The following EDA variants were observed in gnomAD, a reference collection of about 807,000 sequenced individuals.
EDA encodes the protein ectodysplasin A, also known as ectodysplasin-A.
Under a neutral mutation model 23.6 loss-of-function variants are expected in EDA, and 2 were observed. The ratio of observed to expected loss-of-function variants is 0.08; its 90% CI spans 0.03 to 0.27. The LOEUF (loss-of-function observed/expected upper bound fraction) is 0.27. Ranked by LOEUF, EDA falls within the 10% of genes least tolerant of loss-of-function variation. The pLI, the probability that EDA is intolerant of heterozygous loss-of-function variation, is 1.00. For synonymous variants in EDA, 131 were observed against 132.0 expected (o/e 0.99, Z 0.05); for missense variants, 229 against 324.2 (o/e 0.71, Z 2.26).
At chrX:69,825,665 A>AT (rs1326554910) in intron 1 of EDA, among the ~76,000 whole-genome samples, 4 of 113,028 alleles carry the variant, frequency 3.5e-5, no homozygotes, top group Non-Finnish European at 7.5e-5. Flanking sequence ...GGATTCATTA[A>AT]TTTTTTGAAG....
intron 2 of EDA, among the ~76,000 whole-genome samples, chrX:69,981,591 A>G (rs1330946919): frequency 1.8e-5 from 2 of 111,700 alleles, no homozygotes; most frequent in Non-Finnish European, 3.8e-5. Context: ...CAACCACTAC[A>G]TGGTCACGTG....
chrX:69,782,421 C>T (rs1434015263), intron 1 of EDA, among the ~76,000 whole-genome samples: 1 of 99,940 alleles, frequency 1.0e-5, no homozygotes, highest in African/African-American at 3.8e-5. Context: ...GAGACTTCTA[C>T]TGAGAGGAGA....
At chrX:69,814,432 T>C (rs1043240940) in intron 1 of EDA, among the ~76,000 whole-genome samples, 33 of 113,109 alleles carry the variant, frequency 2.9e-4, no homozygotes, top group Non-Finnish European at 1.1e-4. Flanking sequence ...CTAATAAGTT[T>C]CCTCTTACTT....
rs762601680 is a variant in EDA, at chrX:69,684,144, G to A, written c.396+67440G>A. Among the ~76,000 whole-genome samples, 6 of 112,019 alleles carry A rather than the reference G, an allele frequency of 5.4e-5. No homozygotes were observed. In the South Asian group the frequency reaches 1.8e-3, roughly 34 times the overall value. ...CATAGTGTAAGATTCTGAGATACTC[G>A]CTTATAATTTATTTACTCATCATTA... is the stretch of plus-strand genomic sequence containing the variant. On this transcript the variant is annotated intron_variant, in intron 1 of 7. Coordinates refer to ENST00000374552, the MANE Select transcript of EDA (RefSeq NM_001399.5).
At chrX:69,618,345 C>T (rs753861553) in intron 1 of EDA, among the ~76,000 whole-genome samples, 113 of 111,990 alleles carry the variant, frequency 1.0e-3, no homozygotes, top group African/African-American at 3.6e-3. Flanking sequence ...AGTTACCTAC[C>T]CTTTGTGTGG....
chrX:69,888,078 T>C (rs1333242450), intron 1 of EDA, among the ~76,000 whole-genome samples: 1 of 111,971 alleles, frequency 8.9e-6, no homozygotes, highest in Non-Finnish European at 1.9e-5. Flanking sequence ...GTATAAAAGT[T>C]ATCTCTAGTA....
chrX:69,710,821 G>A (rs1411984982), intron 1 of EDA, among the ~76,000 whole-genome samples: 4 of 108,489 alleles, frequency 3.7e-5, no homozygotes, highest in Non-Finnish European at 7.5e-5. Context: ...AAGAATGCTT[G>A]TGATTTTTGC....
chrX:69,816,057 C>T (rs1478095603), intron 1 of EDA, among the ~76,000 whole-genome samples: 2 of 111,169 alleles, frequency 1.8e-5, no homozygotes, highest in African/African-American at 6.5e-5. Flanking sequence ...TGGGACAAAC[C>T]AAGGCAACTG....
chrX:69,753,236 A>T (rs1441809344), intron 1 of EDA, among the ~76,000 whole-genome samples: 63 of 111,413 alleles, frequency 5.7e-4, no homozygotes, highest in Non-Finnish European at 9.2e-4. Flanking sequence ...TTCCCTCTAC[A>T]CACTGCTTTA....
At chrX:69,843,570 G>GTT (rs10669639) in intron 1 of EDA, among the ~76,000 whole-genome samples, 281 of 105,612 alleles carry the variant, frequency 2.7e-3, no homozygotes, top group Non-Finnish European at 4.6e-3. Flanking sequence ...TAAGAGATCA[G>GTT]TTTTTTTTTT....
At chrX:69,862,226 G>A (rs1282302873) in intron 1 of EDA, among the ~76,000 whole-genome samples, 2 of 111,130 alleles carry the variant, frequency 1.8e-5, no homozygotes, top group African/African-American at 6.5e-5. Context: ...GGTTGCTTGA[G>A]TACCATTATG....
At chrX:69,909,157 A>G (rs1168724325) in intron 1 of EDA, among the ~76,000 whole-genome samples, 1 of 111,023 alleles carries the variant, frequency 9.0e-6, no homozygotes, top group African/African-American at 3.3e-5. Context: ...CCATCTTCTC[A>G]TATCTTCCTT....
chrX:69,851,480 G>A (rs371681885), intron 1 of EDA, among the ~76,000 whole-genome samples: 1 of 112,401 alleles, frequency 8.9e-6, no homozygotes, highest in Non-Finnish European at 1.9e-5. Context: ...TGCTTTGGAT[G>A]TATTCACCTA....
Position 69,888,977 on chromosome X carries a change from GTTATATAT to G in EDA, c.397-68049_397-68042del, listed in dbSNP as rs1169345493. On this transcript the variant is annotated intron_variant, in intron 1 of 7. Coordinates refer to ENST00000374552, the MANE Select transcript of EDA (RefSeq NM_001399.5). ...AGTGGAATTGTTGTATTGTGGGGTAGTTATATATATATATATATATATATATATATATA... is the reference window on the plus strand; with the variant it reads ...AGTGGAATTGTTGTATTGTGGGGTAGATATATATATATATATATATATATA... Among the ~76,000 whole-genome samples the G allele has an allele frequency of 0.011, 151 of 13,237 alleles. 11 individuals are homozygous for G. In the South Asian group the frequency reaches 0.26, roughly 23 times the overall value. The allele number at this position is 13,237 out of a possible 115,157, so 11.5% of individuals were successfully genotyped here.
In EDA at chrX:70,016,234, G is replaced by T. The variant is rs777693479; in HGVS notation, c.503-6984G>T. 5.4e-5 allele frequency among the ~76,000 whole-genome samples: 6 copies of T among 110,874 alleles called. No homozygotes were observed. In the South Asian group the frequency reaches 2.3e-3, roughly 42 times the overall value. On this transcript the variant is annotated intron_variant, in intron 2 of 7. Coordinates refer to ENST00000374552, the MANE Select transcript of EDA (RefSeq NM_001399.5). ...AGGAGTACCCACATTTATAAAACAAGCTCTGAGAGACCTACAGAGAGACTT... is the reference window on the plus strand; with the variant it reads ...AGGAGTACCCACATTTATAAAACAATCTCTGAGAGACCTACAGAGAGACTT...
chrX:69,628,782 T>C (rs1162356199), intron 1 of EDA, among the ~76,000 whole-genome samples: 1 of 111,355 alleles, frequency 9.0e-6, no homozygotes, highest in East Asian at 2.8e-4. Flanking sequence ...ACTCCTACTT[T>C]GTGATGTTGA....
At chrX:69,768,397 T>G (rs1304038416) in intron 1 of EDA, among the ~76,000 whole-genome samples, 1 of 111,733 alleles carries the variant, frequency 8.9e-6, no homozygotes, top group Non-Finnish European at 1.9e-5. Flanking sequence ...CAAGGTGTCT[T>G]TATTTATTTT....
chrX:69,742,253 G>A (rs982506566), intron 1 of EDA, among the ~76,000 whole-genome samples: 1 of 111,450 alleles, frequency 9.0e-6, no homozygotes, highest in Non-Finnish European at 1.9e-5. Context: ...TGAAACACAG[G>A]TTTGGGTGTA....
chrX:69,836,596 CAG>C (rs751196339), intron 1 of EDA, among the ~76,000 whole-genome samples: 18 of 112,325 alleles, frequency 1.6e-4, no homozygotes, highest in African/African-American at 5.8e-4. Context: ...GAGAAAAGCA[CAG>C]TATTTGGGCG....
Sources: allele counts gnomAD v4.1 joint callset (sites outside exome capture counted in the v4.1 genomes callset), GRCh38; gene constraint gnomAD v4.1.1; transcripts MANE v1.5; gene names NCBI Gene and HGNC (gene_info 2026-07-23, HGNC 2026-07-21).